WAC: variants seen among roughly 807,000 people sequenced by gnomAD.
WAC encodes WW domain-containing adapter protein with coiled-coil.
WAC carries 11 observed loss-of-function variants against 79.6 expected under a neutral mutation model. The ratio of observed to expected loss-of-function variants is 0.14; its 90% CI spans 0.09 to 0.23. WAC has a LOEUF of 0.23. Ranked by LOEUF, WAC falls within the 10% of genes least tolerant of loss-of-function variation. WAC has a pLI of 1.00. For synonymous variants in WAC, 304 were observed against 276.9 expected (o/e 1.10, Z -0.97); for missense variants, 728 against 773.5 (o/e 0.94, Z 0.70).
intron 3 of WAC, among the ~76,000 whole-genome samples, chr10:28,544,401 C>T (rs1307600582): frequency 6.6e-6 from 1 of 152,156 alleles, no homozygotes; most frequent in Non-Finnish European, 1.5e-5. Context: ...GGTTCAGGCA[C>T]TCGCTAGCTA....
intron 4 of WAC, among the ~76,000 whole-genome samples, chr10:28,584,702 CTTG>C (rs1358643573): frequency 1.3e-5 from 2 of 152,052 alleles, no homozygotes; most frequent in Non-Finnish European, 2.9e-5. Flanking sequence ...ATTTTTGTTT[CTTG>C]TTGAAGCAGT....
intron 3 of WAC, among the ~76,000 whole-genome samples, chr10:28,542,702 GATAGCT>G (rs1464461102): frequency 6.6e-6 from 1 of 152,186 alleles, no homozygotes; most frequent in Non-Finnish European, 1.5e-5. Flanking sequence ...GATGAACTAA[GATAGCT>G]ATTAGATGTT....
intron 6 of WAC, among the ~76,000 whole-genome samples, chr10:28,593,641 G>A (rs567615562): frequency 9.9e-5 from 15 of 151,434 alleles, no homozygotes; most frequent in African/African-American, 2.7e-4. Flanking sequence ...GGTGGTGCGC[G>A]CCTGTAATCC....
intron 3 of WAC, among the ~76,000 whole-genome samples, chr10:28,570,480 G>T (rs777445659): frequency 6.6e-6 from 1 of 152,176 alleles, no homozygotes; most frequent in Non-Finnish European, 1.5e-5. Context: ...AGCCCAGAGG[G>T]TCTAAGAACA....
At chr10:28,563,175 G>GA (rs1185754068) in intron 3 of WAC, among the ~76,000 whole-genome samples, 3 of 152,166 alleles carry the variant, frequency 2.0e-5, no homozygotes, top group Admixed American at 1.3e-4. Context: ...AAAGTGCTGG[G>GA]ATTACAGGTG....
chr10:28,607,704 C>G (rs990499502), intron 7 of WAC, among the ~76,000 whole-genome samples: 1 of 152,170 alleles, frequency 6.6e-6, no homozygotes, highest in Non-Finnish European at 1.5e-5. Flanking sequence ...CCTTGGTGTA[C>G]CTACCCTGAT....
At position 28,617,697 on chromosome 10, in the gene WAC, T is replaced by C; in HGVS notation, c.1787T>C (p.Ile596Thr). 6 of 1,598,234 alleles carry C rather than the reference T, an allele frequency of 3.8e-6. No homozygotes were observed. The highest frequency in any genetic ancestry group is 1.2e-5 in the South Asian group (1 of 85,146). Residue 596 changes from isoleucine (I) to threonine (T), a missense_variant, in exon 13 of 14, where the codon ATT becomes ACT. By Grantham distance (89) the Ile-to-Thr change is moderately conservative. This residue lies in a region of WAC where 66 missense variants were observed against 78.9 expected (regional missense o/e 0.84). Coordinates refer to ENST00000354911, the MANE Select transcript of WAC (RefSeq NM_016628.5). Reference sequence around the variant, plus strand: ...GAAGAAGCGCATAACATGGGAACTATTCACATGTCCGAAATTTGTACTGAA... The same window carrying C: ...GAAGAAGCGCATAACATGGGAACTACTCACATGTCCGAAATTTGTACTGAA... ...LREEAHNMGT[I>T]HMSEICTELK...
intron 3 of WAC, among the ~76,000 whole-genome samples, chr10:28,580,009 T>C (rs1026025978): frequency 5.3e-5 from 8 of 152,226 alleles, no homozygotes; most frequent in Admixed American, 4.6e-4. Flanking sequence ...AAAATATCTT[T>C]ATCTTACTCC....
intron 8 of WAC, among the ~76,000 whole-genome samples, chr10:28,610,138 G>A (rs1190196148): frequency 6.6e-6 from 1 of 151,884 alleles, no homozygotes; most frequent in Non-Finnish European, 1.5e-5. Flanking sequence ...TCACTATGTT[G>A]GGCAGGCTGC....
chr10:28,619,022 T>TA (rs1841592300), intron 13 of WAC, among the ~76,000 whole-genome samples: 1 of 152,248 alleles, frequency 6.6e-6, no homozygotes, highest in Non-Finnish European at 1.5e-5. Flanking sequence ...CTAACGCCTG[T>TA]AATCCCAGCA....
chr10:28,611,837 T>C lies in WAC; in HGVS notation c.1352T>C (p.Val451Ala). The C allele has an allele frequency of 1.2e-6, 2 of 1,614,168 alleles. No homozygotes were observed. Among genetic ancestry groups the C allele is most frequent in the Non-Finnish European group, 1.7e-6 (2 of 1,180,020 alleles). ...TSDASSPRSY[V>A]SPRISTPQTN... ...GATGCGTCATCCCCAAGATCATATGTTTCTCCAAGAATAAGCACACCTCAA... is the reference window on the plus strand; with the variant it reads ...GATGCGTCATCCCCAAGATCATATGCTTCTCCAAGAATAAGCACACCTCAA... The change falls in exon 10 of 14, where the codon GTT becomes GCT. Residue 451 changes from valine (V) to alanine (A), a missense_variant. Coordinates refer to ENST00000354911, the MANE Select transcript of WAC (RefSeq NM_016628.5).
At chr10:28,547,294 G>A (rs572734080) in intron 3 of WAC, among the ~76,000 whole-genome samples, 210 of 152,278 alleles carry the variant, frequency 1.4e-3, no homozygotes, top group Non-Finnish European at 2.1e-3. Flanking sequence ...CAGCGCTTTG[G>A]GAGGGCAAGG....
At chr10:28,568,314 C>G (rs1465642692) in intron 3 of WAC, among the ~76,000 whole-genome samples, 1 of 152,130 alleles carries the variant, frequency 6.6e-6, no homozygotes, top group Non-Finnish European at 1.5e-5. Flanking sequence ...CTTTTTAAGT[C>G]AATTGGAAAT....
At chr10:28,594,149 C>A (rs1008890426) in intron 6 of WAC, among the ~76,000 whole-genome samples, 3 of 150,504 alleles carry the variant, frequency 2.0e-5, no homozygotes, top group Non-Finnish European at 4.5e-5. Context: ...GTCCCCTGTT[C>A]CTGTAATGCT....
chr10:28,566,809 C>T (rs1414962167), intron 3 of WAC, among the ~76,000 whole-genome samples: 1 of 152,054 alleles, frequency 6.6e-6, no homozygotes, highest in Non-Finnish European at 1.5e-5. Context: ...TTCAGCAGCT[C>T]CACCAGGATA....
At chr10:28,555,297 T>C (rs538748613) in intron 3 of WAC, among the ~76,000 whole-genome samples, 1 of 152,296 alleles carries the variant, frequency 6.6e-6, no homozygotes, top group East Asian at 1.9e-4. Context: ...TCTCCAACCT[T>C]ATATCTCTGA....
At chr10:28,547,487 G>A (rs895909322) in intron 3 of WAC, among the ~76,000 whole-genome samples, 9 of 151,370 alleles carry the variant, frequency 5.9e-5, no homozygotes, top group Non-Finnish European at 2.9e-5. Flanking sequence ...GTGAGCCTGG[G>A]TCATGCCACT....
chr10:28,604,904 T>C (rs917931664), intron 7 of WAC, among the ~76,000 whole-genome samples: 1 of 152,230 alleles, frequency 6.6e-6, no homozygotes, highest in Non-Finnish European at 1.5e-5. Context: ...CTACCTTTTA[T>C]ACTATTTCAG....
chr10:28,558,688 G>A (rs978770899), intron 3 of WAC, among the ~76,000 whole-genome samples: 1 of 152,162 alleles, frequency 6.6e-6, no homozygotes, highest in African/African-American at 2.4e-5. Flanking sequence ...ATTAATGAAA[G>A]CAAGTAAAAT....
Sources: allele counts gnomAD v4.1 joint callset (sites outside exome capture counted in the v4.1 genomes callset), GRCh38; gene constraint gnomAD v4.1.1; regional missense constraint gnomAD v4.1.1; transcripts MANE v1.5; gene names NCBI Gene and HGNC (gene_info 2026-07-23, HGNC 2026-07-21).